Variants in FAM76A observed in about 807,000 individuals in gnomAD.
The protein encoded by FAM76A is protein FAM76A.
Under a neutral mutation model 46.2 loss-of-function variants are expected in FAM76A, and 32 were observed. The observed-to-expected ratio is 0.69, with a 90% CI of 0.52 to 0.93. The LOEUF (loss-of-function observed/expected upper bound fraction) is 0.93, where lower values mean the gene tolerates loss of function less well. Among genes scored for constraint, FAM76A ranks in the 40% least tolerant of loss-of-function variants. FAM76A has a pLI of 0.00. For missense variants in FAM76A, 274 were observed against 361.5 expected (o/e 0.76, Z 1.96); for synonymous variants, 137 against 127.0 (o/e 1.08, Z -0.53).
chr1:27,750,432 C>T (rs2088313032), intron 6 of FAM76A, among the ~76,000 whole-genome samples: 1 of 152,152 alleles, frequency 6.6e-6, no homozygotes, highest in African/African-American at 2.4e-5. Flanking sequence ...CTAGTCTGGC[C>T]ATTGTGAAGA....
intron 2 of FAM76A, among the ~76,000 whole-genome samples, chr1:27,728,599 C>A (rs1299483461): frequency 6.6e-6 from 1 of 152,104 alleles, no homozygotes. Context: ...TGATTCCTTC[C>A]TCGTTAGCCT....
chr1:27,741,282 G>A (rs542519699), intron 4 of FAM76A, among the ~76,000 whole-genome samples: 7 of 137,322 alleles, frequency 5.1e-5, no homozygotes, highest in Admixed American at 1.6e-4. Flanking sequence ...CACTACAGCC[G>A]CAGCCTCCCA....
Position 27,726,704 on chromosome 1 carries a change from A to G in FAM76A, c.81+543A>G, listed in dbSNP as rs373948346. On this transcript the variant is annotated intron_variant, in intron 1 of 8. Transcript: ENST00000373954. The stretch of plus-strand genomic sequence containing the variant: ...AGGCAGCAAGGCTTTATGTTTTAAA[A>G]AAGCCCCACAGTCAGGCTCACAGAT... Among the ~76,000 whole-genome samples the G allele has an allele frequency of 2.8e-4, 43 of 152,032 alleles. 1 individual carries two copies. Among genetic ancestry groups the G allele is most frequent in the African/African-American group, 9.9e-4 (41 of 41,380 alleles).
Position 27,749,086 on chromosome 1 carries a change from A to G in FAM76A, c.531A>G (p.Thr177=), listed in dbSNP as rs780215240. ...GHYNSQKTLS[T]SSIQNEIPKK... is the part of the protein sequence containing the mutation. ...TTAAAAGCCAGAAAACACTTTCTAC[A>G]TCTTCAATTCAAAATGAAATCCCAA... Residue 177 remains threonine, a synonymous_variant, in exon 6 of 9, where the codon ACA becomes ACG. Transcript: ENST00000373954. 1.1e-5 allele frequency: 17 copies of G among 1,603,828 alleles called. No individual in the cohort carries two copies. Among genetic ancestry groups the G allele is most frequent in the Middle Eastern group, 1.7e-4 (1 of 6,058 alleles).
At position 27,749,094 on chromosome 1, in the gene FAM76A, T is replaced by C; in HGVS notation, c.539T>C (p.Ile180Thr). 6.2e-7 allele frequency: 1 copy of C among 1,605,952 alleles called. No individual in the cohort carries two copies. The highest frequency in any genetic ancestry group is 8.5e-7 in the Non-Finnish European group (1 of 1,178,206). ...CAGAAAACACTTTCTACATCTTCAATTCAAAATGAAATCCCAAAGAAAAAG... is the reference window on the plus strand; with the variant it reads ...CAGAAAACACTTTCTACATCTTCAACTCAAAATGAAATCCCAAAGAAAAAG... ...NSQKTLSTSS[I>T]QNEIPKKKSK... Residue 180 changes from isoleucine to threonine, a missense_variant, in exon 6 of 9, where the codon ATT becomes ACT. Coordinates refer to ENST00000373954, the MANE Select transcript of FAM76A (RefSeq NM_152660.3).
chr1:27,740,091 G>T (rs2088126744), intron 4 of FAM76A: 1 of 425,010 alleles, frequency 2.4e-6, no homozygotes, highest in South Asian at 2.1e-5. Context: ...CGTCACCTTT[G>T]GTTATCCTGT....
At chr1:27,753,874 CTTTAAAGAT>C (rs1450573094) in intron 6 of FAM76A, among the ~76,000 whole-genome samples, 1 of 152,060 alleles carries the variant, frequency 6.6e-6, no homozygotes, top group Non-Finnish European at 1.5e-5. Flanking sequence ...TTGTGTTTTA[CTTTAAAGAT>C]TGTCCTGGGA....
intron 7 of FAM76A, 96 bp downstream of exon 7, chr1:27,755,426 G>C: frequency 6.8e-7 from 1 of 1,473,668 alleles, no homozygotes; most frequent in Admixed American, 1.7e-5. Context: ...GATGTTTGTT[G>C]AGAGCCTATG....
intron 4 of FAM76A, among the ~76,000 whole-genome samples, chr1:27,734,457 G>C (rs571506305): frequency 6.6e-6 from 1 of 152,248 alleles, no homozygotes; most frequent in Non-Finnish European, 1.5e-5. Flanking sequence ...TGGGGCAGAA[G>C]AATCACTTGA....
At position 27,734,162 on chromosome 1, in the gene FAM76A, C is replaced by T; in HGVS notation, c.333C>T (p.Asp111=). The T allele has an allele frequency of 6.3e-7, 1 of 1,578,904 alleles. No individual in the cohort carries two copies. Among genetic ancestry groups the T allele is most frequent in the Non-Finnish European group, 8.6e-7 (1 of 1,167,882 alleles). ...AGTGCAAGCAGCAGTGTGCATTTGA[C>T]AGGAAAGATGATAGAAAGAAGGTAA... ...CEQCKQQCAF[D]RKDDRKKVDG... Residue 111 remains aspartate, a synonymous_variant, in exon 4 of 9, where the codon GAC becomes GAT. Coordinates refer to ENST00000373954, the MANE Select transcript of FAM76A (RefSeq NM_152660.3).
chr1:27,743,382 G>C (rs2088187746), intron 4 of FAM76A, among the ~76,000 whole-genome samples: 2 of 152,178 alleles, frequency 1.3e-5, no homozygotes, highest in South Asian at 4.2e-4. Context: ...TCGAACTCTT[G>C]GGCTCACGCA....
chr1:27,758,162 A>G (rs2088445871), intron 7 of FAM76A, among the ~76,000 whole-genome samples: 1 of 152,202 alleles, frequency 6.6e-6, no homozygotes, highest in South Asian at 2.1e-4. Flanking sequence ...CCTTACTTGC[A>G]TTCATCTAAT....
chr1:27,729,887 A>G (rs1211000250), intron 2 of FAM76A, among the ~76,000 whole-genome samples: 1 of 152,086 alleles, frequency 6.6e-6, no homozygotes, highest in Non-Finnish European at 1.5e-5. Context: ...CTGTCACCCC[A>G]TAGAGTCCTC....
At chr1:27,751,201 T>TTTCTAATAAA (rs1553179255) in intron 6 of FAM76A, among the ~76,000 whole-genome samples, 1 of 152,210 alleles carries the variant, frequency 6.6e-6, no homozygotes, top group African/African-American at 2.4e-5. Context: ...GCTAATTTAT[T>TTTCTAATAAA]TTTCTAAGTA....
chr1:27,757,702 C>T (rs1038408271), intron 7 of FAM76A, among the ~76,000 whole-genome samples: 1 of 151,228 alleles, frequency 6.6e-6, no homozygotes, highest in African/African-American at 2.4e-5. Flanking sequence ...TGAGGCCGGG[C>T]TTGGTGGCTC....
At chr1:27,750,631 C>G (rs1052027278) in intron 6 of FAM76A, among the ~76,000 whole-genome samples, 1 of 152,194 alleles carries the variant, frequency 6.6e-6, no homozygotes, top group African/African-American at 2.4e-5. Flanking sequence ...GGAAAAAGCT[C>G]GTTCGTATCT....
intron 6 of FAM76A, among the ~76,000 whole-genome samples, chr1:27,751,906 C>T (rs752055200): frequency 7.2e-5 from 11 of 151,762 alleles, no homozygotes; most frequent in African/African-American, 2.7e-4. Context: ...TGGACTCAAA[C>T]GATCCTCCCA....
intron 2 of FAM76A, among the ~76,000 whole-genome samples, chr1:27,729,605 A>T (rs1046664465): frequency 6.6e-6 from 1 of 152,114 alleles, no homozygotes; most frequent in Non-Finnish European, 1.5e-5. Flanking sequence ...ACTTTACTAT[A>T]TATTCACCTA....
chr1:27,749,607 C>T (rs893704642), intron 6 of FAM76A, among the ~76,000 whole-genome samples: 4 of 152,144 alleles, frequency 2.6e-5, no homozygotes, highest in African/African-American at 4.8e-5. Flanking sequence ...CTGCCCACCT[C>T]GGCCTCCCAA....
Sources: gnomAD v4.1 joint callset for allele counts (sites outside exome capture counted in the v4.1 genomes callset) on GRCh38, gnomAD v4.1.1 for gene constraint, MANE v1.5 for transcripts, NCBI Gene and HGNC (gene_info 2026-07-23, HGNC 2026-07-21) for gene names.